SPATC1: variants seen among roughly 807,000 people sequenced by gnomAD.
SPATC1 encodes the protein spermatogenesis and centriole associated 1.
SPATC1 carries 35 observed loss-of-function variants against 36.5 expected under a neutral mutation model. That is an observed-to-expected ratio of 0.96 (90% CI 0.73 to 1.27). The LOEUF is 1.27. Among genes scored for constraint, SPATC1 ranks in the 50% most tolerant of loss-of-function variants. The pLI, the probability that SPATC1 is intolerant of heterozygous loss-of-function variation, is 0.00. For missense variants in SPATC1, 779 were observed against 796.0 expected (o/e 0.98, Z 0.26); for synonymous variants, 361 against 353.6 (o/e 1.02, Z -0.24).
intron 1 of SPATC1, among the ~76,000 whole-genome samples, chr8:144,038,971 C>T (rs1421539391): frequency 3.3e-5 from 5 of 152,148 alleles, no homozygotes; most frequent in East Asian, 3.8e-4. Flanking sequence ...TATATACGCA[C>T]GGTAGAGAAG....
chr8:144,037,571 T>C (rs375674544), intron 1 of SPATC1, among the ~76,000 whole-genome samples: 1 of 151,890 alleles, frequency 6.6e-6, no homozygotes, highest in Non-Finnish European at 1.5e-5. Flanking sequence ...TTAAGGGGGG[T>C]GCAAGATGTG....
Position 144,040,334 on chromosome 8 carries a change from C to G in SPATC1, c.637C>G (p.Leu213Val), listed in dbSNP as rs782086716. 4 of 1,612,622 alleles carry G rather than the reference C, an allele frequency of 2.5e-6. No individual in the cohort carries two copies. Among genetic ancestry groups the G allele is most frequent in the Non-Finnish European group, 3.4e-6 (4 of 1,179,910 alleles). The change falls in exon 2 of 5, where the codon CTG (leucine) becomes GTG (valine). Residue 213 changes from leucine (L) to valine (V), a missense_variant. Leu to Val is a conservative substitution (Grantham distance 32). Coordinates refer to ENST00000377470, the MANE Select transcript of SPATC1 (RefSeq NM_198572.3). ...TATPPGVSQN[L>V]LANPMSNLVL... is the part of the protein sequence containing the mutation. ...CACCCCACCAGGGGTCTCTCAGAAC[C>G]TGCTGGCCAACCCCATGAGCAACCT...
intron 4 of SPATC1, among the ~76,000 whole-genome samples, chr8:144,043,018 G>A (rs1363226096): frequency 2.1e-5 from 3 of 145,150 alleles, no homozygotes; most frequent in African/African-American, 7.9e-5. Flanking sequence ...TTGAGACAGA[G>A]TCTTGCTCTT....
In SPATC1 at chr8:144,012,630, TC is replaced by T; in HGVS notation, c.116del (p.Ser39Ter). On this transcript the variant is annotated frameshift_variant, in exon 1 of 5. Coordinates refer to ENST00000377470, the MANE Select transcript of SPATC1 (RefSeq NM_198572.3). LOFTEE classifies it high-confidence loss of function. ...RLIRENHELKSAIKTQAGGLG... is the reference protein window; with the variant it reads ...RLIRENHELKXAIKTQAGGLG... ...CATTCGGGAGAATCACGAGCTCAAG[TC>T]AGCGATCAAGACTCAGGCAGGCGGG... 1 of 1,551,652 alleles carries T rather than the reference TC, an allele frequency of 6.4e-7. No individual in the cohort carries two copies. The highest frequency in any genetic ancestry group is 8.7e-7 in the Non-Finnish European group (1 of 1,146,982).
In SPATC1 at chr8:144,023,789, CAGAA is replaced by C. The variant is rs1587498279; in HGVS notation, c.211+11064_211+11067del. On this transcript the variant is annotated intron_variant, in intron 1 of 4. Transcript: ENST00000377470. The stretch of plus-strand genomic sequence containing the variant: ...CCTTTCCCTAAGGTCCCTCTTCCCT[CAGAA>C]CCCTCTAGAACCCTGTCCCTGTCCC... 6.8e-4 allele frequency among the ~76,000 whole-genome samples: 30 copies of C among 44,212 alleles called. 15 individuals carry two copies. The highest frequency in any genetic ancestry group is 2.0e-3 in the South Asian group (2 of 992). 29.0% of individuals were successfully genotyped at this position (44,212 alleles called of 152,430 possible).
chr8:144,028,059 A>T (rs1395359393), intron 1 of SPATC1, among the ~76,000 whole-genome samples: 3 of 152,146 alleles, frequency 2.0e-5, no homozygotes, highest in African/African-American at 4.8e-5. Context: ...TTAACTCAAG[A>T]TGGATTAAAT....
intron 4 of SPATC1, among the ~76,000 whole-genome samples, chr8:144,044,090 G>A (rs1188218808): frequency 1.3e-5 from 2 of 152,024 alleles, no homozygotes; most frequent in Non-Finnish European, 2.9e-5. Flanking sequence ...GACTAGTATC[G>A]AGCCAGGTGT....
chr8:144,019,810 ATCC>A (rs1217970059), intron 1 of SPATC1, among the ~76,000 whole-genome samples: 9 of 151,912 alleles, frequency 5.9e-5, no homozygotes, highest in African/African-American at 2.2e-4. Flanking sequence ...AGCCACCAGC[ATCC>A]TCCTCATCCC....
At chr8:144,038,142 T>A (rs1554755136) in intron 1 of SPATC1, among the ~76,000 whole-genome samples, 5 of 115,470 alleles carry the variant, frequency 4.3e-5, no homozygotes, top group Middle Eastern at 8.6e-3. Context: ...AAAAAAAAAA[T>A]TGATTTTTAC....
At chr8:144,034,240 T>G (rs1372598353) in intron 1 of SPATC1, among the ~76,000 whole-genome samples, 1 of 151,978 alleles carries the variant, frequency 6.6e-6, no homozygotes, top group African/African-American at 2.4e-5. Flanking sequence ...GGACTGGGCA[T>G]GCACGGGCCT....
At chr8:144,021,247 CAGGACTCTCTTCCTT>C in intron 1 of SPATC1, among the ~76,000 whole-genome samples, 1 of 143,330 alleles carries the variant, frequency 7.0e-6, no homozygotes, top group South Asian at 2.3e-4. Flanking sequence ...CCTCTCCCCT[CAGGACTCTCTTCCTT>C]CAGGACCCCC....
At chr8:144,037,970 A>T (rs1834955721) in intron 1 of SPATC1, among the ~76,000 whole-genome samples, 1 of 151,698 alleles carries the variant, frequency 6.6e-6, no homozygotes, top group Admixed American at 6.6e-5. Context: ...TCTCCTAAAA[A>T]TACAAAAAAT....
intron 1 of SPATC1, among the ~76,000 whole-genome samples, chr8:144,021,635 G>A (rs1336399992): frequency 3.2e-5 from 2 of 62,278 alleles, no homozygotes; most frequent in Non-Finnish European, 6.6e-5. Flanking sequence ...CACACCCCAG[G>A]ACCTTCCCCC....
At position 144,040,389 on chromosome 8, in the gene SPATC1, T is replaced by C. The variant is rs1554755625; in HGVS notation, c.692T>C (p.Leu231Pro). ...LVLPEAPRLR[L>P]AEPLRGGPTG... The stretch of plus-strand genomic sequence containing the variant: ...CTGCCAGAGGCCCCAAGGCTGCGGC[T>C]GGCTGAGCCACTCCGCGGAGGCCCC... Residue 231 changes from leucine to proline, a missense_variant, in exon 2 of 5, where the codon CTG becomes CCG. By Grantham distance (98) the Leu-to-Pro change is moderately conservative. Coordinates refer to ENST00000377470, the MANE Select transcript of SPATC1 (RefSeq NM_198572.3). 1.4e-5 allele frequency: 23 copies of C among 1,612,246 alleles called. No individual in the cohort carries two copies. Among genetic ancestry groups the C allele is most frequent in the Non-Finnish European group, 1.9e-5 (22 of 1,179,806 alleles).
intron 1 of SPATC1, among the ~76,000 whole-genome samples, chr8:144,024,629 C>T (rs1216009425): frequency 6.6e-6 from 1 of 151,540 alleles, no homozygotes; most frequent in African/African-American, 2.4e-5. Flanking sequence ...AACCTGTCCC[C>T]TCAGGACCTT....
chr8:144,037,997 C>T (rs1449284930), intron 1 of SPATC1, among the ~76,000 whole-genome samples: 3 of 150,842 alleles, frequency 2.0e-5, no homozygotes, highest in Non-Finnish European at 2.9e-5. Flanking sequence ...GGCGAGGTGG[C>T]GGGCGCCTGT....
intron 1 of SPATC1, among the ~76,000 whole-genome samples, chr8:144,031,145 C>T (rs1241148635): frequency 3.3e-5 from 5 of 152,202 alleles, no homozygotes; most frequent in Middle Eastern, 3.4e-3. Context: ...TAGTTACTGT[C>T]TAGTTTCCTT....
At chr8:144,037,568 G>C (rs868924571) in intron 1 of SPATC1, among the ~76,000 whole-genome samples, 72 of 152,164 alleles carry the variant, frequency 4.7e-4, no homozygotes, top group Middle Eastern at 3.4e-3. Flanking sequence ...GGATTAAGGG[G>C]GGTGCAAGAT....
intron 1 of SPATC1, among the ~76,000 whole-genome samples, chr8:144,020,920 C>A (rs1258364372): frequency 3.2e-5 from 4 of 123,362 alleles, no homozygotes; most frequent in Middle Eastern, 4.5e-3. Flanking sequence ...AGGACCTTCT[C>A]CCCTCAGGAC....
Sources: allele counts gnomAD v4.1 joint callset (sites outside exome capture counted in the v4.1 genomes callset), GRCh38; gene constraint gnomAD v4.1.1; transcripts MANE v1.5; gene names NCBI Gene and HGNC (gene_info 2026-07-23, HGNC 2026-07-21).